Variants in EIF2AK4 observed in about 807,000 individuals in gnomAD.
EIF2AK4 encodes the protein eIF-2-alpha kinase GCN2.
A neutral mutation model predicts 211.1 loss-of-function variants in EIF2AK4; 139 were observed. That is an observed-to-expected ratio of 0.66 (90% CI 0.57 to 0.76). The LOEUF (loss-of-function observed/expected upper bound fraction) is 0.76. Among genes scored for constraint, EIF2AK4 ranks in the 30% least tolerant of loss-of-function variants. The pLI, the probability that EIF2AK4 is intolerant of heterozygous loss-of-function variation, is 0.00. For missense variants in EIF2AK4, 1,664 were observed against 2,043.8 expected, an observed-to-expected ratio of 0.81 and a Z score of 3.58; for synonymous variants, 710 against 751.3, an observed-to-expected ratio of 0.94 and a Z score of 0.90.
rs763163747 is a variant in EIF2AK4 at position 40,022,604 on chromosome 15, A to G, written c.4388A>G (p.Lys1463Arg). The G allele has an allele frequency of 3.1e-6, 5 of 1,614,100 alleles. No homozygotes were observed. In the East Asian group the frequency reaches 8.9e-5, roughly 29 times the overall value. ...TCGGATAAAGAAGGAAGCCATGTCA[A>G]GGTAAAGACGTCAGAGATTTTTTAC... The part of the protein sequence containing the change: ...LVSDKEGSHV[K>R]VKSFEKERQT... Residue 1463 changes from lysine (K) to arginine (R), a missense_variant and splice_region_variant, in exon 32 of 39, where the codon AAG becomes AGG. Lys to Arg is a conservative substitution (Grantham distance 26). Around this residue, in one of 7 missense-constraint regions of EIF2AK4, gnomAD observed 622 missense variants for 796.8 expected, o/e 0.78. Transcript: ENST00000263791.
At chr15:39,954,979 C>T (rs2034369477) in intron 5 of EIF2AK4, among the ~76,000 whole-genome samples, 2 of 152,148 alleles carry the variant, frequency 1.3e-5, no homozygotes, top group Admixed American at 6.5e-5. Context: ...CTGATAATGC[C>T]TTTCTTTCTG....
At chr15:39,982,403 G>A (rs536296442) in intron 13 of EIF2AK4, among the ~76,000 whole-genome samples, 1 of 152,264 alleles carries the variant, frequency 6.6e-6, no homozygotes, top group African/African-American at 2.4e-5. Context: ...GACTTGACAA[G>A]GAGTTTTTCT....
intron 13 of EIF2AK4, among the ~76,000 whole-genome samples, chr15:39,982,703 A>T (rs1340230233): frequency 1.4e-5 from 2 of 141,826 alleles, no homozygotes; most frequent in East Asian, 2.1e-4. Context: ...CTAGCTCCCC[A>T]CCCCCTAACA....
intron 10 of EIF2AK4, 136 bp downstream of exon 10, chr15:39,973,150 A>T: frequency 1.4e-6 from 1 of 726,414 alleles, no homozygotes; most frequent in South Asian, 1.8e-5. Context: ...CATTAGTTTG[A>T]TGTGTGCCAT....
In EIF2AK4 at chr15:40,003,253, A is replaced by G; in HGVS notation, c.3296A>G (p.Asn1099Ser). ...CGAAACAGACAAATATATGAGCACA[A>G]CGAAGCTGCCCTATTCATGGACCAC... ...LPRNRQIYEH[N>S]EAALFMDHSG... is the part of the protein sequence containing the mutation. The change falls in exon 23 of 39, where the codon AAC (asparagine) becomes AGC (serine). Residue 1099 changes from asparagine to serine, a missense_variant. This residue lies in a region of EIF2AK4 where 622 missense variants were observed against 796.8 expected (regional missense o/e 0.78). Transcript: ENST00000263791. 1 of 1,614,210 alleles carries G rather than the reference A, an allele frequency of 6.2e-7. No individual in the cohort carries two copies. The highest frequency in any genetic ancestry group is 8.5e-7 in the Non-Finnish European group (1 of 1,180,032).
At position 40,007,051 on chromosome 15, in the gene EIF2AK4, A is replaced by G; in HGVS notation, c.3393A>G (p.Ile1131Met). 2 of 1,595,154 alleles carry G rather than the reference A, an allele frequency of 1.3e-6. No individual in the cohort carries two copies. Among genetic ancestry groups the G allele is most frequent in the Non-Finnish European group, 1.7e-6 (2 of 1,164,252 alleles). Residue 1131 changes from isoleucine to methionine, a missense_variant, in exon 24 of 39, where the codon ATA becomes ATG. This residue lies in a region of EIF2AK4 where 622 missense variants were observed against 796.8 expected (regional missense o/e 0.78). Coordinates refer to ENST00000263791, the MANE Select transcript of EIF2AK4 (RefSeq NM_001013703.4). ...CAAGATATGTGGCAAGAAATAATAT[A>G]TTGAATTTAAAACGGTAAGAAACAA... is the stretch of plus-strand genomic sequence containing the variant. ...PFARYVARNN[I>M]LNLKRYCIER...
chr15:39,994,361 A>T (rs2034991141), intron 18 of EIF2AK4, among the ~76,000 whole-genome samples: 1 of 152,134 alleles, frequency 6.6e-6, no homozygotes, highest in African/African-American at 2.4e-5. Context: ...TAATCCCAGG[A>T]CTTTGGGAGG....
chr15:40,003,048 T>C, intron 22 of EIF2AK4, 145 bp from the exon 23 acceptor site: 5 of 1,261,354 alleles, frequency 4.0e-6, no homozygotes, highest in Non-Finnish European at 5.4e-6. Flanking sequence ...TCTCTATTTA[T>C]AAATTTAGAG....
chr15:39,964,052 C>G (rs1308982208), intron 7 of EIF2AK4, among the ~76,000 whole-genome samples: 2 of 152,170 alleles, frequency 1.3e-5, no homozygotes, highest in African/African-American at 4.8e-5. Flanking sequence ...TTTTAAACAG[C>G]AGGATTTTTT....
At chr15:39,985,944 G>T in intron 14 of EIF2AK4, 56 bp downstream of exon 14, 5 of 1,491,542 alleles carry the variant, frequency 3.4e-6, no homozygotes, top group Non-Finnish European at 4.6e-6. Flanking sequence ...TGGCGGGTGG[G>T]CCTGTTTCAG....
At chr15:39,949,341 T>C in intron 4 of EIF2AK4, 73 bp downstream of exon 4, 2 of 1,564,834 alleles carry the variant, frequency 1.3e-6, no homozygotes, top group Admixed American at 3.6e-5. Context: ...GTTTTATCTG[T>C]CTCTGCCTAC....
chr15:39,972,992 T>C lies in EIF2AK4; in HGVS notation c.1638T>C (p.Pro546=). The part of the protein sequence containing the change: ...HSFINPQPKM[P]LVEQSPEDSE... ...TTATAAATCCCCAGCCAAAAATGCC[T>C]CTAGTGGAACAAAGTCCTGAAGGTG... The change falls in exon 10 of 39, where the codon CCT becomes CCC. Residue 546 remains proline, a synonymous_variant. Transcript: ENST00000263791. 6.2e-7 allele frequency: 1 copy of C among 1,614,084 alleles called. No homozygotes were observed. Among genetic ancestry groups the C allele is most frequent in the Non-Finnish European group, 8.5e-7 (1 of 1,179,968 alleles).
intron 6 of EIF2AK4, among the ~76,000 whole-genome samples, chr15:39,961,525 C>G (rs1181563323): frequency 6.6e-6 from 1 of 152,032 alleles, no homozygotes; most frequent in Non-Finnish European, 1.5e-5. Flanking sequence ...GCACAGACCT[C>G]GAGTTAGGGG....
chr15:39,952,220 A>G (rs2034327740), intron 4 of EIF2AK4, among the ~76,000 whole-genome samples: 1 of 151,946 alleles, frequency 6.6e-6, no homozygotes. Context: ...CAGTATTTAG[A>G]CTTCCCATTC....
At chr15:39,967,951 C>T in intron 9 of EIF2AK4, 72 bp downstream of exon 9, 2 of 1,471,934 alleles carry the variant, frequency 1.4e-6, no homozygotes, top group Non-Finnish European at 1.8e-6. Flanking sequence ...GTGTGCCAGA[C>T]ATCTAAGTGA....
At chr15:40,029,878 A>G (rs1342431498) in intron 34 of EIF2AK4, among the ~76,000 whole-genome samples, 1 of 152,230 alleles carries the variant, frequency 6.6e-6, no homozygotes, top group Non-Finnish European at 1.5e-5. Context: ...CTTTGCTTTC[A>G]TCACCTCTAG....
intron 36 of EIF2AK4, 100 bp downstream of exon 36, chr15:40,032,337 T>C: frequency 1.0e-6 from 1 of 970,990 alleles, no homozygotes. Flanking sequence ...TCAGCAGAAT[T>C]TGGATGCAGG....
At chr15:39,984,614 A>C (rs1393902094) in intron 13 of EIF2AK4, among the ~76,000 whole-genome samples, 1 of 152,208 alleles carries the variant, frequency 6.6e-6, no homozygotes, top group East Asian at 1.9e-4. Flanking sequence ...CTTTACAGCA[A>C]TTGTGAATGG....
chr15:39,986,761 A>G (rs1343373748), intron 14 of EIF2AK4, among the ~76,000 whole-genome samples: 1 of 152,212 alleles, frequency 6.6e-6, no homozygotes, highest in Non-Finnish European at 1.5e-5. Context: ...AGGCTGAGGC[A>G]GGAGAATCAC....
Sources: allele counts gnomAD v4.1 joint callset (sites outside exome capture counted in the v4.1 genomes callset), GRCh38; gene constraint gnomAD v4.1.1; regional missense constraint gnomAD v4.1.1; transcripts MANE v1.5; gene names NCBI Gene and HGNC (gene_info 2026-07-23, HGNC 2026-07-21).